Variants in OPCML observed in about 807,000 individuals in gnomAD.
OPCML encodes the protein opioid-binding protein/cell adhesion molecule.
In OPCML, 13 loss-of-function variants were observed where a neutral mutation model predicts 37.8. The observed-to-expected ratio is 0.34, with a 90% confidence interval of 0.22 to 0.55. The LOEUF is 0.55. Ranked by LOEUF, OPCML falls within the 20% of genes least tolerant of loss-of-function variation. The pLI is 0.91. For missense variants in OPCML, 341 were observed against 435.6 expected (o/e 0.78, Z 1.93); for synonymous variants, 176 against 168.8 (o/e 1.04, Z -0.33).
At position 133,510,668 on chromosome 11, in the gene OPCML, A is replaced by C. The variant is rs539430944; in HGVS notation, c.61+21596T>G. 1.1e-4 allele frequency among the ~76,000 whole-genome samples: 16 copies of C among 152,274 alleles called. No individual in the cohort carries two copies. The East Asian group carries it at 1.2e-3, about 11-fold the overall frequency. ...ACCTTTGTGCCAACATAAAGCCTGC[A>C]AGCCAAGCAAGGTTGTTACCTTGAC... On this transcript the variant is annotated intron_variant, in intron 1 of 7. Transcript: ENST00000524381.
At chr11:133,020,420 G>A (rs1470145305) in intron 1 of OPCML, among the ~76,000 whole-genome samples, 1 of 152,118 alleles carries the variant, frequency 6.6e-6, no homozygotes, top group African/African-American at 2.4e-5. Flanking sequence ...AACCCAACTT[G>A]TTTCTATTTT....
intron 3 of OPCML, among the ~76,000 whole-genome samples, chr11:132,538,699 C>A (rs2096347357): frequency 6.6e-6 from 1 of 152,144 alleles, no homozygotes; most frequent in Admixed American, 6.6e-5. Context: ...ATTGATAGTT[C>A]TTTGAATAAT....
At chr11:133,358,654 T>C (rs1944345198) in intron 1 of OPCML, among the ~76,000 whole-genome samples, 2 of 152,056 alleles carry the variant, frequency 1.3e-5, no homozygotes, top group Admixed American at 6.5e-5. Flanking sequence ...CACAGTGTAA[T>C]TGAGAGAGGT....
chr11:133,433,994 G>A (rs374149133), intron 1 of OPCML, among the ~76,000 whole-genome samples: 149 of 152,150 alleles, frequency 9.8e-4, no homozygotes, highest in African/African-American at 3.4e-3. Flanking sequence ...ACTTTCCCTT[G>A]CTTTCTTGCC....
chr11:133,244,701 A>ACTCT (rs34434286), intron 1 of OPCML, among the ~76,000 whole-genome samples: 102,561 of 151,022 alleles, frequency 0.68, 36,243 homozygotes, highest in East Asian at 0.92. Context: ...TTGCTCACTC[A>ACTCT]CTCTCTCTCT....
intron 7 of OPCML, among the ~76,000 whole-genome samples, chr11:132,428,253 G>A (rs2095984248): frequency 6.6e-6 from 1 of 152,176 alleles, no homozygotes; most frequent in African/African-American, 2.4e-5. Flanking sequence ...CTGAGGGGAG[G>A]GGACTACAAG....
chr11:133,410,591 C>CT (rs1172738068), intron 1 of OPCML, among the ~76,000 whole-genome samples: 24 of 97,046 alleles, frequency 2.5e-4, no homozygotes, highest in Admixed American at 8.8e-4. Flanking sequence ...GTTTTTGTTG[C>CT]TTTTTTTTTT....
At chr11:133,481,282 C>G (rs1163211463) in intron 1 of OPCML, among the ~76,000 whole-genome samples, 3 of 152,044 alleles carry the variant, frequency 2.0e-5, no homozygotes, top group Non-Finnish European at 4.4e-5. Context: ...GCTTAAAAGA[C>G]CCTTAAATAA....
intron 1 of OPCML, among the ~76,000 whole-genome samples, chr11:133,320,622 G>C (rs911204074): frequency 6.6e-6 from 1 of 152,072 alleles, no homozygotes; most frequent in Non-Finnish European, 1.5e-5. Flanking sequence ...GCCAATCCTG[G>C]AAAGCTATCA....
chr11:133,095,253 G>A (rs1042788544), intron 1 of OPCML, among the ~76,000 whole-genome samples: 1 of 136,974 alleles, frequency 7.3e-6, no homozygotes. Context: ...AATTTGCTGA[G>A]ACTAAGATGA....
chr11:132,794,805 G>A (rs553997694), intron 2 of OPCML, among the ~76,000 whole-genome samples: 1 of 151,584 alleles, frequency 6.6e-6, no homozygotes, highest in African/African-American at 2.4e-5. Flanking sequence ...GGATATGTAA[G>A]TTTTGTATAT....
At chr11:132,472,163 T>C (rs2096140018) in intron 4 of OPCML, among the ~76,000 whole-genome samples, 1 of 152,256 alleles carries the variant, frequency 6.6e-6, no homozygotes, top group Non-Finnish European at 1.5e-5. Context: ...CCTACCTTTT[T>C]AAATACTTCT....
chr11:132,489,443 G>A (rs966611399), intron 4 of OPCML, among the ~76,000 whole-genome samples: 12 of 152,208 alleles, frequency 7.9e-5, no homozygotes, highest in African/African-American at 2.9e-4. Flanking sequence ...ACAAAGACCA[G>A]TAACGATCGT....
intron 3 of OPCML, among the ~76,000 whole-genome samples, chr11:132,573,682 C>T (rs1220101154): frequency 2.0e-5 from 3 of 151,828 alleles, no homozygotes; most frequent in African/African-American, 7.3e-5. Flanking sequence ...GAATATTGGC[C>T]TATAGTTTTC....
chr11:133,056,159 G>T (rs1438535527), intron 1 of OPCML, among the ~76,000 whole-genome samples: 1 of 152,258 alleles, frequency 6.6e-6, no homozygotes, highest in East Asian at 1.9e-4. Flanking sequence ...GATGGAGGGG[G>T]ACAGAGAATG....
At position 133,211,007 on chromosome 11, in the gene OPCML, C is replaced by T. The variant is rs889017579; in HGVS notation, c.62-267997G>A. ...AAGAGGAAAGGATTTAGCTGAAAAA[C>T]AAAAATTAAAAAAATGTGCAGAGAA... is the stretch of plus-strand genomic sequence containing the variant. On this transcript the variant is annotated intron_variant, in intron 1 of 7. Transcript: ENST00000524381. This position sits in a 1 kb window ranked among gnomAD's most constrained non-coding sequence, Gnocchi z 4.1. 5.9e-5 allele frequency among the ~76,000 whole-genome samples: 9 copies of T among 152,096 alleles called. No homozygotes were observed. Among genetic ancestry groups the T allele is most frequent in the African/African-American group, 2.2e-4 (9 of 41,496 alleles).
intron 1 of OPCML, among the ~76,000 whole-genome samples, chr11:132,954,368 G>T (rs970047627): frequency 6.6e-6 from 1 of 152,028 alleles, no homozygotes; most frequent in African/African-American, 2.4e-5. Context: ...AATTAGATCG[G>T]GTTCTTGGAA....
chr11:133,499,938 C>T (rs1470643047), intron 1 of OPCML, among the ~76,000 whole-genome samples: 2 of 140,666 alleles, frequency 1.4e-5, no homozygotes, highest in African/African-American at 5.3e-5. Context: ...ATGGTGAGAT[C>T]TCGGCTCACT....
intron 1 of OPCML, chr11:133,006,617 C>G (rs1947118588): frequency 1.0e-6 from 1 of 985,440 alleles, no homozygotes; most frequent in Non-Finnish European, 1.2e-6. Context: ...GCCCCACTGG[C>G]CAGAACTATG....
Sources: allele counts gnomAD v4.1 joint callset (sites outside exome capture counted in the v4.1 genomes callset), GRCh38; gene constraint gnomAD v4.1.1; non-coding constraint Gnocchi (gnomAD v3.1); transcripts MANE v1.5; gene names NCBI Gene and HGNC (gene_info 2026-07-23, HGNC 2026-07-21).